The following CYYR1 variants were observed in gnomAD, a reference collection of about 807,000 sequenced individuals.
CYYR1 encodes the protein cysteine and tyrosine-rich protein 1.
CYYR1 carries 14 observed loss-of-function variants against 15.2 expected under a neutral mutation model. The observed-to-expected ratio is 0.92, with a 90% confidence interval of 0.61 to 1.44. The LOEUF (loss-of-function observed/expected upper bound fraction) is 1.44, where lower values mean the gene tolerates loss of function less well. Among genes scored for constraint, CYYR1 ranks in the 40% most tolerant of loss-of-function variants. CYYR1 has a pLI of 0.00. For missense variants in CYYR1, 228 were observed against 209.5 expected (o/e 1.09, Z -0.54); for synonymous variants, 80 against 77.4 (o/e 1.03, Z -0.18).
intron 2 of CYYR1, among the ~76,000 whole-genome samples, chr21:26,518,760 C>A (rs1035450758): frequency 6.6e-6 from 1 of 152,208 alleles, no homozygotes; most frequent in African/African-American, 2.4e-5. Flanking sequence ...AGCCTTCTGA[C>A]ACTTAACAAA....
chr21:26,476,770 T>G (rs2065111038), intron 3 of CYYR1, among the ~76,000 whole-genome samples: 1 of 152,154 alleles, frequency 6.6e-6, no homozygotes, highest in African/African-American at 2.4e-5. Context: ...TTGGCAAGCC[T>G]TTTGTTACAG....
At chr21:26,541,714 G>A (rs1806552064) in intron 2 of CYYR1, among the ~76,000 whole-genome samples, 1 of 152,106 alleles carries the variant, frequency 6.6e-6, no homozygotes, top group Admixed American at 6.5e-5. Flanking sequence ...ATAACAGTTT[G>A]CATAGCATCT....
At chr21:26,504,402 C>A (rs2065526612) in intron 2 of CYYR1, among the ~76,000 whole-genome samples, 1 of 152,034 alleles carries the variant, frequency 6.6e-6, no homozygotes. Flanking sequence ...TCCTGAGTAG[C>A]TGGGATTACA....
chr21:26,566,037 A>G (rs1340373140), intron 2 of CYYR1, among the ~76,000 whole-genome samples: 1 of 152,214 alleles, frequency 6.6e-6, no homozygotes, highest in African/African-American at 2.4e-5. Flanking sequence ...AACTCTTTTT[A>G]GTTCCTTTAT....
At chr21:26,530,588 T>C (rs1338277263) in intron 2 of CYYR1, among the ~76,000 whole-genome samples, 4 of 152,110 alleles carry the variant, frequency 2.6e-5, no homozygotes, top group African/African-American at 9.7e-5. Flanking sequence ...AATGAGGTAT[T>C]TCTCTTAATG....
chr21:26,489,321 A>G (rs2065294665), intron 2 of CYYR1, among the ~76,000 whole-genome samples: 1 of 152,200 alleles, frequency 6.6e-6, no homozygotes, highest in Non-Finnish European at 1.5e-5. Flanking sequence ...ATAACACTTT[A>G]TCACTAGAGT....
chr21:26,530,516 G>C (rs2065918268), intron 2 of CYYR1, among the ~76,000 whole-genome samples: 1 of 151,810 alleles, frequency 6.6e-6, no homozygotes, highest in South Asian at 2.1e-4. Flanking sequence ...AGAACGTGCA[G>C]GTTTGTTACA....
intron 2 of CYYR1, among the ~76,000 whole-genome samples, chr21:26,509,596 A>G (rs7510108): frequency 0.079 from 12,079 of 152,184 alleles, 696 homozygotes; most frequent in South Asian, 0.16. Flanking sequence ...CAGTGGCTTT[A>G]CTGAAAAAGT....
intron 2 of CYYR1, among the ~76,000 whole-genome samples, chr21:26,511,190 C>T (rs758999930): frequency 2.1e-4 from 32 of 152,152 alleles, no homozygotes; most frequent in Non-Finnish European, 4.3e-4. Flanking sequence ...ACACTTCACC[C>T]ATTATTTTAG....
In CYYR1 at chr21:26,503,049, T is replaced by C. The variant is rs1601761579; in HGVS notation, c.177-22620A>G. On this transcript the variant is annotated intron_variant, in intron 2 of 3. Coordinates refer to ENST00000652641, the MANE Select transcript of CYYR1 (RefSeq NM_001320768.2). ...GGAAAATGCAAGTAGATGGAACTCA[T>C]GGTGGCCTTAATGTTATCATTTCTT... 3.3e-5 allele frequency among the ~76,000 whole-genome samples: 5 copies of C among 152,326 alleles called. 1 individual carries two copies. Among genetic ancestry groups the C allele is most frequent in the African/African-American group, 1.2e-4 (5 of 41,584 alleles).
At chr21:26,514,138 G>T (rs541309846) in intron 2 of CYYR1, among the ~76,000 whole-genome samples, 1 of 152,042 alleles carries the variant, frequency 6.6e-6, no homozygotes, top group South Asian at 2.1e-4. Context: ...AGTCCCAGAC[G>T]TTGGGTGGGG....
intron 2 of CYYR1, among the ~76,000 whole-genome samples, chr21:26,541,268 G>T (rs888552742): frequency 6.6e-6 from 1 of 151,970 alleles, no homozygotes; most frequent in African/African-American, 2.4e-5. Context: ...AAAACCTCAC[G>T]TATCCTATGT....
chr21:26,532,726 C>T (rs116915435), intron 2 of CYYR1, among the ~76,000 whole-genome samples: 4 of 151,982 alleles, frequency 2.6e-5, no homozygotes, highest in South Asian at 2.1e-4. Context: ...TACTTATGTA[C>T]GAATAAGTGT....
intron 2 of CYYR1, among the ~76,000 whole-genome samples, chr21:26,491,766 G>A (rs2065332112): frequency 1.3e-5 from 2 of 152,082 alleles, no homozygotes; most frequent in Non-Finnish European, 2.9e-5. Flanking sequence ...TTCTCCTGTG[G>A]CTCTACTGAT....
chr21:26,498,976 G>T (rs1468652668), intron 2 of CYYR1, among the ~76,000 whole-genome samples: 1 of 152,132 alleles, frequency 6.6e-6, no homozygotes, highest in Non-Finnish European at 1.5e-5. Flanking sequence ...TTCAAGATGA[G>T]ATTTGGTTGA....
intron 2 of CYYR1, among the ~76,000 whole-genome samples, chr21:26,525,398 G>T (rs915285625): frequency 1.3e-5 from 2 of 152,134 alleles, no homozygotes; most frequent in Non-Finnish European, 2.9e-5. Context: ...ATAGCTCAAA[G>T]GTCCAAGCAG....
At chr21:26,518,036 A>C (rs2065755892) in intron 2 of CYYR1, among the ~76,000 whole-genome samples, 1 of 152,132 alleles carries the variant, frequency 6.6e-6, no homozygotes, top group Non-Finnish European at 1.5e-5. Flanking sequence ...CAGCACTCAC[A>C]CTGATTGACT....
rs767705488 is a variant in CYYR1, at chr21:26,466,552, A to C, written c.*1949T>G. On this transcript the variant is annotated 3_prime_UTR_variant, in exon 4 of 4. Coordinates refer to ENST00000652641, the MANE Select transcript of CYYR1 (RefSeq NM_001320768.2). Reference sequence around the variant, plus strand: ...TTGGGGAAAATTTGCAGAATATAGGAGGTACGCAATAAATGTTTATTGATG... The same window carrying C: ...TTGGGGAAAATTTGCAGAATATAGGCGGTACGCAATAAATGTTTATTGATG... 1.3e-5 allele frequency: 2 copies of C among 152,180 alleles called. No homozygotes were observed. Among genetic ancestry groups the C allele is most frequent in the African/African-American group, 2.4e-5 (1 of 41,446 alleles). 9.4% of individuals were successfully genotyped at this position (152,180 alleles called of 1,614,324 possible).
At chr21:26,549,094 G>A (rs1258050595) in intron 2 of CYYR1, among the ~76,000 whole-genome samples, 4 of 151,916 alleles carry the variant, frequency 2.6e-5, no homozygotes, top group African/African-American at 7.2e-5. Flanking sequence ...AAATCAGACC[G>A]TTGACTAATT....
Sources: gnomAD v4.1 joint callset for allele counts (sites outside exome capture counted in the v4.1 genomes callset) on GRCh38, gnomAD v4.1.1 for gene constraint, MANE v1.5 for transcripts, NCBI Gene and HGNC (gene_info 2026-07-23, HGNC 2026-07-21) for gene names.